The following EIF4E3 variants were observed in gnomAD, a reference collection of about 807,000 sequenced individuals.
EIF4E3 encodes eukaryotic translation initiation factor 4E type 3.
EIF4E3 carries 26 observed loss-of-function variants against 31.7 expected under a neutral mutation model. The ratio of observed to expected loss-of-function variants is 0.82; its 90% CI spans 0.60 to 1.14. The LOEUF is 1.14. Among genes scored for constraint, EIF4E3 ranks in the 50% most tolerant of loss-of-function variants. The probability of loss-of-function intolerance (pLI) is 0.00; values close to 1 mark genes in which losing one functional copy is unlikely to be tolerated. For missense variants in EIF4E3, 304 were observed against 270.9 expected, an observed-to-expected ratio of 1.12 and a Z score of -0.86; for synonymous variants, 128 against 107.7, an observed-to-expected ratio of 1.19 and a Z score of -1.17.
intron 1 of EIF4E3, among the ~76,000 whole-genome samples, chr3:71,750,431 CTGTT>C (rs896461302): frequency 6.3e-4 from 96 of 152,188 alleles, no homozygotes; most frequent in African/African-American, 2.0e-3. Flanking sequence ...ATGAGCTTCT[CTGTT>C]TGTAAAATTC....
At chr3:71,718,475 G>A (rs1310619944) in intron 1 of EIF4E3, among the ~76,000 whole-genome samples, 1 of 152,080 alleles carries the variant, frequency 6.6e-6, no homozygotes, top group Non-Finnish European at 1.5e-5. Flanking sequence ...GTAGCAACTG[G>A]GGCTCCTTTC....
At chr3:71,666,169 A>C in the EIF4E3 span, among the ~76,000 whole-genome samples, 11 of 152,290 alleles carry the variant, frequency 7.2e-5, no homozygotes, top group African/African-American at 2.6e-4. Flanking sequence ...TGGTTTTTTG[A>C]AAAGATTAAC....
chr3:71,682,285 G>C lies in EIF4E3; in HGVS notation c.*2397C>G, dbSNP rs1434802084. 3.9e-5 allele frequency: 6 copies of C among 152,170 alleles called. No homozygotes were observed. Among genetic ancestry groups the C allele is most frequent in the Non-Finnish European group, 7.4e-5 (5 of 68,020 alleles). The allele number at this position is 152,170 out of a possible 1,614,324, so 9.4% of individuals were successfully genotyped here. On this transcript the variant is annotated 3_prime_UTR_variant, in exon 7 of 7. Coordinates refer to ENST00000425534, the MANE Select transcript of EIF4E3 (RefSeq NM_001134651.2). ...CTGCATGGTTCTTTGCAGACTACAA[G>C]GCTGCCCCTGCAAGCACTTGGATGA...
Position 71,685,643 on chromosome 3 carries a change from G to A in EIF4E3, c.629-915C>T, listed in dbSNP as rs373135172. 1.9e-4 allele frequency among the ~76,000 whole-genome samples: 29 copies of A among 152,296 alleles called. No homozygotes were observed. The East Asian group carries it at 5.4e-3, about 28-fold the overall frequency. On this transcript the variant is annotated intron_variant, in intron 6 of 6. Coordinates refer to ENST00000425534, the MANE Select transcript of EIF4E3 (RefSeq NM_001134651.2). ...CTCCCAAAGTAGTGGGATTATAGGCGTGAGCCACCAGGCCCAGCCGGAACT... is the reference window on the plus strand; with the variant it reads ...CTCCCAAAGTAGTGGGATTATAGGCATGAGCCACCAGGCCCAGCCGGAACT...
chr3:71,684,587 A>G lies in EIF4E3; in HGVS notation c.*95T>C. The G allele has an allele frequency of 1.3e-6, 2 of 1,499,228 alleles. No homozygotes were observed. The highest frequency in any genetic ancestry group is 1.1e-5 in the South Asian group (1 of 86,970). 92.9% of individuals were successfully genotyped at this position (1,499,228 alleles called of 1,614,324 possible). A position where few individuals can be genotyped will look rare whatever the true frequency, so the allele number is the denominator to read the frequency against. ...AGAAACCCACTCTAAATTGACCAGC[A>G]TCGGCTTCGGCAAGTCTTCTCTTCA... On this transcript the variant is annotated 3_prime_UTR_variant, in exon 7 of 7. Coordinates refer to ENST00000425534, the MANE Select transcript of EIF4E3 (RefSeq NM_001134651.2).
intron 4 of EIF4E3, among the ~76,000 whole-genome samples, chr3:71,694,467 A>G (rs991847806): frequency 6.6e-6 from 1 of 152,214 alleles, no homozygotes; most frequent in Non-Finnish European, 1.5e-5. Flanking sequence ...CAGACTGTTT[A>G]TGGCAGGCGA....
chr3:71,671,780 T>C (rs1559580839), downstream of EIF4E3, among the ~76,000 whole-genome samples: 1 of 151,884 alleles, frequency 6.6e-6, no homozygotes, highest in Non-Finnish European at 1.5e-5. Context: ...CTTTTAAAAA[T>C]TGTGCTATAA....
chr3:71,689,700 T>C (rs531218071), intron 6 of EIF4E3, among the ~76,000 whole-genome samples: 19 of 152,306 alleles, frequency 1.2e-4, no homozygotes, highest in South Asian at 2.1e-4. Flanking sequence ...TTGTTTCCAA[T>C]AGAATGTAAT....
chr3:71,717,444 G>A (rs2049482576), intron 1 of EIF4E3, among the ~76,000 whole-genome samples: 1 of 152,222 alleles, frequency 6.6e-6, no homozygotes, highest in Non-Finnish European at 1.5e-5. Flanking sequence ...GGACAGTTCT[G>A]TAAAAGCACT....
intron 2 of EIF4E3, among the ~76,000 whole-genome samples, chr3:71,705,688 AG>A (rs1375996065): frequency 6.6e-6 from 1 of 152,248 alleles, no homozygotes; most frequent in African/African-American, 2.4e-5. Flanking sequence ...GTAGCAGATA[AG>A]GCTGAAAGAA....
chr3:71,674,130 A>C, downstream of EIF4E3, among the ~76,000 whole-genome samples: 1 of 102,148 alleles, frequency 9.8e-6, no homozygotes, highest in Non-Finnish European at 1.8e-5. Flanking sequence ...TTTTTGAGAC[A>C]GCGCCTCGCT....
At chr3:71,687,326 A>G (rs1461158618) in intron 6 of EIF4E3, among the ~76,000 whole-genome samples, 2 of 152,208 alleles carry the variant, frequency 1.3e-5, no homozygotes, top group Non-Finnish European at 2.9e-5. Flanking sequence ...TAACTCTGCC[A>G]TTGTAGCACT....
At chr3:71,698,861 A>G (rs542567382) in intron 3 of EIF4E3, among the ~76,000 whole-genome samples, 45 of 152,348 alleles carry the variant, frequency 3.0e-4, no homozygotes, top group Non-Finnish European at 4.7e-4. Flanking sequence ...GATCTGCCAG[A>G]AACTACCCCT....
At chr3:71,697,150 G>C (rs1447186942) in intron 3 of EIF4E3, among the ~76,000 whole-genome samples, 1 of 152,106 alleles carries the variant, frequency 6.6e-6, no homozygotes, top group Non-Finnish European at 1.5e-5. Flanking sequence ...CAAGTAGCTG[G>C]GATTACAGGC....
chr3:71,668,059 T>G, the EIF4E3 span, among the ~76,000 whole-genome samples: 5 of 152,106 alleles, frequency 3.3e-5, no homozygotes, highest in East Asian at 9.6e-4. Flanking sequence ...ATCAGATATA[T>G]AGACCAATGG....
At chr3:71,727,502 T>A (rs1235500391), upstream of EIF4E3, among the ~76,000 whole-genome samples, 3 of 152,232 alleles carry the variant, frequency 2.0e-5, no homozygotes, top group African/African-American at 7.2e-5. Flanking sequence ...ATTTATGTGG[T>A]TTCTAGACAT....
chr3:71,706,650 C>G (rs2049297145), intron 2 of EIF4E3, among the ~76,000 whole-genome samples: 1 of 151,896 alleles, frequency 6.6e-6, no homozygotes, highest in Admixed American at 6.6e-5. Context: ...GACCCCATCT[C>G]TACAAAAAAA....
chr3:71,733,296 T>C (rs2049726778), intron 1 of EIF4E3, among the ~76,000 whole-genome samples: 1 of 152,236 alleles, frequency 6.6e-6, no homozygotes, highest in Admixed American at 6.5e-5. Context: ...AGCTGATAAC[T>C]GCTCGCCTAG....
chr3:71,684,394 A>C lies in EIF4E3; in HGVS notation c.*288T>G, dbSNP rs2048961877. ...GGCTGAATAAGGAATTTTAAACGGCAAAAAAAAAAAAAAATCAGAGTGAAA... is the reference window on the plus strand; with the variant it reads ...GGCTGAATAAGGAATTTTAAACGGCCAAAAAAAAAAAAAATCAGAGTGAAA... On this transcript the variant is annotated 3_prime_UTR_variant, in exon 7 of 7. Coordinates refer to ENST00000425534, the MANE Select transcript of EIF4E3 (RefSeq NM_001134651.2). 3.7e-5 allele frequency: 3 copies of C among 82,130 alleles called. No homozygotes were observed. The Admixed American group carries it at 5.6e-4, about 15-fold the overall frequency. The allele number at this position is 82,130 out of a possible 1,614,324, so 5.1% of individuals were successfully genotyped here.
Sources: gnomAD v4.1 joint callset for allele counts (sites outside exome capture counted in the v4.1 genomes callset) on GRCh38, gnomAD v4.1.1 for gene constraint, MANE v1.5 for transcripts, NCBI Gene and HGNC (gene_info 2026-07-23, HGNC 2026-07-21) for gene names.